Variants in CSMD3 observed in about 807,000 individuals in gnomAD.
The protein encoded by CSMD3 is CUB and Sushi multiple domains 3.
In CSMD3, 177 loss-of-function variants were observed where a neutral mutation model predicts 435.2. The ratio of observed to expected loss-of-function variants is 0.41; its 90% confidence interval spans 0.36 to 0.46. The LOEUF (loss-of-function observed/expected upper bound fraction) is 0.46, where lower values mean the gene tolerates loss of function less well. Among genes scored for constraint, CSMD3 ranks in the 20% least tolerant of loss-of-function variants. The probability of loss-of-function intolerance (pLI) is 0.34; values close to 1 mark genes in which losing one functional copy is unlikely to be tolerated. For missense variants in CSMD3, 4,265 were observed against 4,504.6 expected (o/e 0.95, Z 1.52); for synonymous variants, 1,656 against 1,520.5 (o/e 1.09, Z -2.07).
intron 67 of CSMD3, among the ~76,000 whole-genome samples, chr8:112,236,591 C>A (rs1311758548): frequency 3.9e-5 from 6 of 152,048 alleles, no homozygotes; most frequent in Non-Finnish European, 1.5e-5. Context: ...TCCTTTAGGT[C>A]AGGTCATTGG....
intron 31 of CSMD3, among the ~76,000 whole-genome samples, chr8:112,481,203 A>G (rs1218861096): frequency 6.6e-6 from 1 of 152,186 alleles, no homozygotes; most frequent in Non-Finnish European, 1.5e-5. Flanking sequence ...ATAGAAGAAG[A>G]AAAGAAGAAG....
chr8:113,378,762 A>AGTGTGTGTGTGTGTGTGTGTGT (rs5894145), intron 1 of CSMD3, among the ~76,000 whole-genome samples: 37 of 148,268 alleles, frequency 2.5e-4, no homozygotes, highest in African/African-American at 5.7e-4. Context: ...GTCACACTGA[A>AGTGTGTGTGTGTGTGTGTGTGT]GTGTGTGTGT....
At chr8:112,342,723 A>C (rs1825241656) in intron 41 of CSMD3, among the ~76,000 whole-genome samples, 2 of 151,938 alleles carry the variant, frequency 1.3e-5, no homozygotes, top group Non-Finnish European at 2.9e-5. Context: ...CATGTTACTA[A>C]ATGATTTTTT....
intron 4 of CSMD3, among the ~76,000 whole-genome samples, chr8:113,138,293 T>C (rs2091465031): frequency 6.6e-6 from 1 of 151,442 alleles, no homozygotes; most frequent in Non-Finnish European, 1.5e-5. Flanking sequence ...GTGTCACTAG[T>C]TGTAACTAAA....
At chr8:112,976,721 T>C (rs2084862682) in intron 6 of CSMD3, among the ~76,000 whole-genome samples, 1 of 152,132 alleles carries the variant, frequency 6.6e-6, no homozygotes, top group South Asian at 2.1e-4. Context: ...TCATTTGTGA[T>C]GAGCTAAGTA....
At chr8:113,110,925 G>T (rs1344251692) in intron 4 of CSMD3, among the ~76,000 whole-genome samples, 1 of 152,126 alleles carries the variant, frequency 6.6e-6, no homozygotes, top group Admixed American at 6.6e-5. Context: ...GTTCAGAGAT[G>T]GTGCCTTCTT....
intron 4 of CSMD3, among the ~76,000 whole-genome samples, chr8:113,165,302 T>C (rs76911110): frequency 4.6e-5 from 7 of 152,338 alleles, no homozygotes; most frequent in Non-Finnish European, 1.0e-4. Flanking sequence ...ACTTAATGTT[T>C]ATAAAATTCT....
intron 32 of CSMD3, among the ~76,000 whole-genome samples, chr8:112,468,835 C>T (rs547577824): frequency 6.6e-6 from 1 of 152,022 alleles, no homozygotes; most frequent in Non-Finnish European, 1.5e-5. Flanking sequence ...TTAATAAATT[C>T]TATCTAATTG....
At chr8:113,401,490 C>T (rs2094509855) in intron 1 of CSMD3, among the ~76,000 whole-genome samples, 1 of 151,654 alleles carries the variant, frequency 6.6e-6, no homozygotes, top group Non-Finnish European at 1.5e-5. Flanking sequence ...CATCAATATA[C>T]ATAAGTGGGT....
chr8:113,420,296 A>G (rs993555126), intron 1 of CSMD3, among the ~76,000 whole-genome samples: 2 of 152,126 alleles, frequency 1.3e-5, no homozygotes, highest in Admixed American at 6.5e-5. Flanking sequence ...TCTCATATGC[A>G]CTTACTAAAT....
intron 1 of CSMD3, among the ~76,000 whole-genome samples, chr8:113,354,990 T>C (rs1229229426): frequency 6.6e-6 from 1 of 152,168 alleles, no homozygotes; most frequent in African/African-American, 2.4e-5. Flanking sequence ...TTCAAGTATC[T>C]TGTCAAGTCT....
chr8:112,589,290 G>T (rs920993301), intron 22 of CSMD3, among the ~76,000 whole-genome samples: 2 of 152,040 alleles, frequency 1.3e-5, no homozygotes, highest in African/African-American at 4.8e-5. Context: ...GCTACTACTG[G>T]CCCTTGGCCA....
intron 13 of CSMD3, among the ~76,000 whole-genome samples, chr8:112,793,188 CTATATAAATATTA>C (rs1187735267): frequency 1.4e-5 from 2 of 145,944 alleles, no homozygotes; most frequent in African/African-American, 5.0e-5. Context: ...AATTTATATA[CTATATAAATATTA>C]TATATAAATA....
rs11440584 is a variant in CSMD3, at chr8:113,308,258, C to CTTTTTTTTTTTTT, written c.401+6300_401+6312dup. 3.4e-4 allele frequency among the ~76,000 whole-genome samples: 22 copies of CTTTTTTTTTTTTT among 64,966 alleles called. 7 individuals carry two copies. The highest frequency in any genetic ancestry group is 1.1e-3 in the African/African-American group (18 of 16,336). 42.6% of individuals were successfully genotyped at this position (64,966 alleles called of 152,430 possible). ...TAAATATCCAGTAAATCATTTAAGT[C>CTTTTTTTTTTTTT]TTTTTTTTTTTTTTTTTTTTTTTTT... On this transcript the variant is annotated intron_variant, in intron 2 of 70. Transcript: ENST00000297405.
intron 17 of CSMD3, among the ~76,000 whole-genome samples, chr8:112,656,927 T>A (rs2075271252): frequency 2.0e-5 from 3 of 152,150 alleles, no homozygotes; most frequent in Admixed American, 2.0e-4. Context: ...TATTAAAGTA[T>A]CAGCAGCTCT....
chr8:113,166,867 G>A (rs948051114), intron 4 of CSMD3, among the ~76,000 whole-genome samples: 1 of 151,866 alleles, frequency 6.6e-6, no homozygotes, highest in African/African-American at 2.4e-5. Context: ...GTCCTCTTTT[G>A]GTTGTGAACA....
intron 5 of CSMD3, among the ~76,000 whole-genome samples, chr8:113,080,510 G>A (rs774280340): frequency 1.3e-5 from 2 of 152,104 alleles, no homozygotes; most frequent in East Asian, 3.9e-4. Flanking sequence ...TCTAACAGAG[G>A]AGATAGACAA....
intron 25 of CSMD3, among the ~76,000 whole-genome samples, chr8:112,556,126 A>C (rs752309800): frequency 2.0e-5 from 3 of 151,922 alleles, no homozygotes; most frequent in Non-Finnish European, 4.4e-5. Flanking sequence ...AAAAAGAGAG[A>C]TCTCTATCCA....
chr8:113,233,518 T>C (rs964098883), intron 3 of CSMD3, among the ~76,000 whole-genome samples: 13 of 150,862 alleles, frequency 8.6e-5, no homozygotes, highest in Non-Finnish European at 1.6e-4. Flanking sequence ...AATGTTAGAA[T>C]ATTAATTATA....
Sources: gnomAD v4.1 joint callset for allele counts (sites outside exome capture counted in the v4.1 genomes callset) on GRCh38, gnomAD v4.1.1 for gene constraint, MANE v1.5 for transcripts, NCBI Gene and HGNC (gene_info 2026-07-23, HGNC 2026-07-21) for gene names.